The following PALLD variants were observed in gnomAD, a reference collection of about 807,000 sequenced individuals.
The protein encoded by PALLD is palladin, cytoskeletal associated protein, also known as palladin.
A neutral mutation model predicts 123.5 loss-of-function variants in PALLD; 61 were observed. The observed-to-expected ratio is 0.49, with a 90% CI of 0.40 to 0.61. The LOEUF is 0.61. Ranked by LOEUF, PALLD falls within the 20% of genes least tolerant of loss-of-function variation. PALLD has a pLI of 0.00. For synonymous variants in PALLD, 465 were observed against 496.4 expected, an observed-to-expected ratio of 0.94 and a Z score of 0.84; for missense variants, 1,273 against 1,377.0, an observed-to-expected ratio of 0.92 and a Z score of 1.20.
intron 10 of PALLD, among the ~76,000 whole-genome samples, chr4:168,757,777 A>C (rs1372098076): frequency 6.6e-6 from 1 of 152,262 alleles, no homozygotes; most frequent in Non-Finnish European, 1.5e-5. Context: ...TTTCATAAAA[A>C]TTAACATATT....
intron 10 of PALLD, chr4:168,864,315 C>T (rs1033178576): frequency 5.9e-5 from 9 of 152,164 alleles, no homozygotes; most frequent in Admixed American, 1.3e-4. Context: ...TTGTTAGAAA[C>T]GACTTTCTGG....
At chr4:168,530,266 G>C (rs1764478587) in intron 2 of PALLD, among the ~76,000 whole-genome samples, 1 of 152,190 alleles carries the variant, frequency 6.6e-6, no homozygotes, top group Non-Finnish European at 1.5e-5. Context: ...TTTCTTTGCA[G>C]ATAAGGCCTC....
At chr4:168,629,223 A>T (rs544168143) in intron 2 of PALLD, among the ~76,000 whole-genome samples, 49 of 152,256 alleles carry the variant, frequency 3.2e-4, no homozygotes, top group African/African-American at 1.2e-3. Flanking sequence ...CATGTTGGCC[A>T]GGCTGGTCTC....
In PALLD at chr4:168,578,049, T is replaced by C. The variant is rs1010697434; in HGVS notation, c.908+65637T>C. On this transcript the variant is annotated intron_variant, in intron 2 of 21. Coordinates refer to ENST00000505667, the MANE Select transcript of PALLD (RefSeq NM_001166108.2). ...CAATTTAATGTGTGCTTCCTTTGGA[T>C]GCAGGATATACTGAGGCAAAGTAGC... 1.2e-4 allele frequency among the ~76,000 whole-genome samples: 18 copies of C among 152,212 alleles called. No homozygotes were observed. The East Asian group carries it at 3.3e-3, about 28-fold the overall frequency.
At chr4:168,795,731 A>G (rs1738400945) in intron 10 of PALLD, among the ~76,000 whole-genome samples, 1 of 148,458 alleles carries the variant, frequency 6.7e-6, no homozygotes, top group African/African-American at 2.5e-5. Flanking sequence ...TTTTTGAGAC[A>G]GGGCCTTGCT....
At chr4:168,752,028 A>C (rs1581272508) in intron 10 of PALLD, among the ~76,000 whole-genome samples, 1 of 152,222 alleles carries the variant, frequency 6.6e-6, no homozygotes, top group Admixed American at 6.5e-5. Context: ...TCTGTCGAAC[A>C]CTCAGTCCCC....
chr4:168,788,840 TA>T (rs1303376441), intron 10 of PALLD, among the ~76,000 whole-genome samples: 2 of 152,214 alleles, frequency 1.3e-5, no homozygotes, highest in East Asian at 1.9e-4. Flanking sequence ...ATAAATGAAT[TA>T]AAAAATCTAT....
At chr4:168,704,178 A>G (rs1016274058) in intron 8 of PALLD, among the ~76,000 whole-genome samples, 7 of 151,886 alleles carry the variant, frequency 4.6e-5, no homozygotes, top group African/African-American at 1.7e-4. Context: ...CTGGCTAGCC[A>G]TATGTAGAAA....
rs1779350226 is a variant in PALLD at position 168,663,740 on chromosome 4, T to C, written c.909-4450T>C. On this transcript the variant is annotated intron_variant, in intron 2 of 21. Coordinates refer to ENST00000505667, the MANE Select transcript of PALLD (RefSeq NM_001166108.2). ...TAATTAACCTCATTCATTTGATAAT[T>C]GATCATTTGTCCCTTTCTGATATCG... 3.3e-5 allele frequency among the ~76,000 whole-genome samples: 5 copies of C among 152,358 alleles called. No homozygotes were observed. The South Asian group carries it at 1.0e-3, about 32-fold the overall frequency.
At chr4:168,606,690 A>C (rs1241346511) in intron 2 of PALLD, among the ~76,000 whole-genome samples, 1 of 150,310 alleles carries the variant, frequency 6.7e-6, no homozygotes, top group East Asian at 2.0e-4. Flanking sequence ...AAAAAGATCA[A>C]GCTTTCTCAG....
chr4:168,765,618 A>C (rs970885341), intron 10 of PALLD, among the ~76,000 whole-genome samples: 1 of 152,222 alleles, frequency 6.6e-6, no homozygotes, highest in African/African-American at 2.4e-5. Flanking sequence ...TTTATAAGCT[A>C]ACTTACTGTT....
intron 2 of PALLD, among the ~76,000 whole-genome samples, chr4:168,592,045 C>T (rs765836199): frequency 2.9e-5 from 4 of 138,870 alleles, no homozygotes; most frequent in South Asian, 2.2e-4. Context: ...GAGATGGAGT[C>T]GCGCTCTGTC....
At chr4:168,498,777 A>C (rs1244287858) in intron 1 of PALLD, among the ~76,000 whole-genome samples, 1 of 152,242 alleles carries the variant, frequency 6.6e-6, no homozygotes, top group Non-Finnish European at 1.5e-5. Context: ...TTAAGTGAGA[A>C]GAATAAAGCC....
rs1049974777 is a variant in PALLD, at chr4:168,927,249, T to C, written c.*1069T>C. 2.2e-5 allele frequency: 5 copies of C among 230,912 alleles called. No individual in the cohort carries two copies. The highest frequency in any genetic ancestry group is 1.1e-4 in the African/African-American group (5 of 45,198). The allele number at this position is 230,912 out of a possible 1,614,324, so 14.3% of individuals were successfully genotyped here. On this transcript the variant is annotated 3_prime_UTR_variant, in exon 22 of 22. Transcript: ENST00000505667. ...AAGGAAAATGCAACCAGCATGATTA[T>C]AGTGTGTTCATTTAGATAAAAGTAG...
intron 2 of PALLD, among the ~76,000 whole-genome samples, chr4:168,558,506 C>T (rs1185964338): frequency 1.3e-5 from 2 of 152,210 alleles, no homozygotes; most frequent in Admixed American, 1.3e-4. Context: ...CAGAAACGTG[C>T]CTGGCAGCAG....
At chr4:168,678,909 GGTGT>G (rs1333742896) in intron 3 of PALLD, among the ~76,000 whole-genome samples, 2 of 147,872 alleles carry the variant, frequency 1.4e-5, no homozygotes, top group Non-Finnish European at 1.5e-5. Flanking sequence ...GTGTATGTGT[GGTGT>G]GTGTATGTGC....
chr4:168,674,553 A>C (rs1163600975), intron 3 of PALLD, among the ~76,000 whole-genome samples: 2 of 152,146 alleles, frequency 1.3e-5, no homozygotes, highest in East Asian at 3.9e-4. Flanking sequence ...CAAGAGAAAG[A>C]GTTTCCAGAA....
At chr4:168,563,616 G>A (rs763476144) in intron 2 of PALLD, among the ~76,000 whole-genome samples, 3 of 152,108 alleles carry the variant, frequency 2.0e-5, no homozygotes, top group Non-Finnish European at 4.4e-5. Flanking sequence ...ATTTTAGCAA[G>A]GTCAAACTGT....
At chr4:168,568,590 A>G (rs1341302963) in intron 2 of PALLD, among the ~76,000 whole-genome samples, 1 of 152,100 alleles carries the variant, frequency 6.6e-6, no homozygotes, top group Non-Finnish European at 1.5e-5. Context: ...GTATTATTCA[A>G]ACTTTCATAC....
Sources: allele counts gnomAD v4.1 joint callset (sites outside exome capture counted in the v4.1 genomes callset), GRCh38; gene constraint gnomAD v4.1.1; transcripts MANE v1.5; gene names NCBI Gene and HGNC (gene_info 2026-07-23, HGNC 2026-07-21).